The following AGBL4 variants were observed in gnomAD, a reference collection of about 807,000 sequenced individuals.
AGBL4 encodes cytosolic carboxypeptidase 6.
AGBL4 carries 58 observed loss-of-function variants against 66.4 expected under a neutral mutation model. That is an observed-to-expected ratio of 0.87 (90% CI 0.71 to 1.09). The LOEUF is 1.09. Among genes scored for constraint, AGBL4 ranks in the 50% least tolerant of loss-of-function variants. The pLI is 0.00. For synonymous variants in AGBL4, 234 were observed against 222.9 expected (o/e 1.05, Z -0.44); for missense variants, 579 against 631.0 (o/e 0.92, Z 0.88).
At chr1:49,935,746 G>T (rs1052750190) in intron 1 of AGBL4, among the ~76,000 whole-genome samples, 62 of 152,278 alleles carry the variant, frequency 4.1e-4, no homozygotes, top group African/African-American at 1.4e-3. Context: ...TGGACCTCTA[G>T]CAAACTCCAA....
intron 3 of AGBL4, among the ~76,000 whole-genome samples, chr1:49,327,140 G>A (rs1211756322): frequency 6.6e-6 from 1 of 152,034 alleles, no homozygotes; most frequent in Non-Finnish European, 1.5e-5. Context: ...GGCCCACTTG[G>A]ATAATCCAGC....
intron 4 of AGBL4, among the ~76,000 whole-genome samples, chr1:49,058,649 G>A (rs1214575857): frequency 6.6e-6 from 1 of 152,240 alleles, no homozygotes; most frequent in Non-Finnish European, 1.5e-5. Context: ...GTAACAGGCA[G>A]AGGTTGGAAC....
At chr1:49,819,308 T>C (rs1326962431) in intron 2 of AGBL4, among the ~76,000 whole-genome samples, 1 of 152,224 alleles carries the variant, frequency 6.6e-6, no homozygotes, top group Non-Finnish European at 1.5e-5. Context: ...ACTTAAAACA[T>C]ACTGAGACAT....
At chr1:48,921,895 T>C (rs12121559) in intron 5 of AGBL4, among the ~76,000 whole-genome samples, 14,811 of 152,170 alleles carry the variant, frequency 0.097, 1,076 homozygotes, top group African/African-American at 0.19. Context: ...ATAAGTCAAG[T>C]AGATGTAATA....
chr1:48,581,904 G>T (rs2148332626), intron 11 of AGBL4, among the ~76,000 whole-genome samples: 1 of 152,346 alleles, frequency 6.6e-6, no homozygotes, highest in Non-Finnish European at 1.5e-5. Context: ...TCTGACACCA[G>T]CACTGTATTC....
intron 1 of AGBL4, among the ~76,000 whole-genome samples, chr1:49,978,818 G>A (rs1165819722): frequency 6.6e-6 from 1 of 152,088 alleles, no homozygotes; most frequent in Non-Finnish European, 1.5e-5. Flanking sequence ...TATTTTGGGT[G>A]ATTTTATTTT....
At chr1:48,794,331 T>G (rs922494510) in intron 6 of AGBL4, among the ~76,000 whole-genome samples, 21 of 152,212 alleles carry the variant, frequency 1.4e-4, no homozygotes. Context: ...CACTTACACA[T>G]GCCCAAGCCT....
intron 7 of AGBL4, among the ~76,000 whole-genome samples, chr1:48,660,564 T>C (rs1424663473): frequency 6.6e-6 from 1 of 152,228 alleles, no homozygotes. Context: ...GCTGTCTACA[T>C]GTAGCTGAGA....
intron 3 of AGBL4, among the ~76,000 whole-genome samples, chr1:49,285,946 T>C (rs1224636857): frequency 6.6e-6 from 1 of 152,134 alleles, no homozygotes; most frequent in Non-Finnish European, 1.5e-5. Flanking sequence ...TGATGAACAT[T>C]GATGCAAAAA....
At chr1:49,948,028 A>T (rs1237539033) in intron 1 of AGBL4, among the ~76,000 whole-genome samples, 4 of 1,146 alleles carry the variant, frequency 3.5e-3, no homozygotes, top group South Asian at 0.1. Flanking sequence ...ATATATATAA[A>T]TATATATACA....
intron 1 of AGBL4, among the ~76,000 whole-genome samples, chr1:49,980,707 G>A (rs1658989833): frequency 6.6e-6 from 1 of 152,046 alleles, no homozygotes; most frequent in South Asian, 2.1e-4. Context: ...CTTGGCTATT[G>A]TGAATACTGC....
chr1:49,435,660 T>C (rs961348664), intron 3 of AGBL4, among the ~76,000 whole-genome samples: 3 of 152,308 alleles, frequency 2.0e-5, no homozygotes, highest in South Asian at 2.1e-4. Flanking sequence ...CATAGGGTGC[T>C]TTCTAGGGAG....
At chr1:49,733,461 C>A (rs1329150344) in intron 2 of AGBL4, among the ~76,000 whole-genome samples, 2 of 152,150 alleles carry the variant, frequency 1.3e-5, no homozygotes, top group African/African-American at 4.8e-5. Flanking sequence ...GCTGACTGGG[C>A]TGTTTATAAC....
At chr1:49,210,268 T>G (rs1394819420) in intron 4 of AGBL4, among the ~76,000 whole-genome samples, 1 of 152,118 alleles carries the variant, frequency 6.6e-6, no homozygotes, top group Non-Finnish European at 1.5e-5. Flanking sequence ...TTTCTCAGTT[T>G]ATATGTGAAC....
intron 4 of AGBL4, among the ~76,000 whole-genome samples, chr1:49,071,229 G>C (rs1331858340): frequency 6.6e-6 from 1 of 151,578 alleles, no homozygotes; most frequent in Middle Eastern, 3.2e-3. Flanking sequence ...AGGGTTTTTT[G>C]TGTCTCTATC....
At chr1:49,380,940 G>A (rs1352112427) in intron 3 of AGBL4, among the ~76,000 whole-genome samples, 1 of 152,118 alleles carries the variant, frequency 6.6e-6, no homozygotes, top group Non-Finnish European at 1.5e-5. Context: ...CATGGGCAAG[G>A]ACTTCATGTC....
rs551767015 is a variant in AGBL4, at chr1:48,971,396, T to A, written c.594+74188A>T. Among the ~76,000 whole-genome samples, 19 of 152,150 alleles carry A rather than the reference T, an allele frequency of 1.2e-4. No individual in the cohort carries two copies. In the South Asian group the frequency reaches 1.5e-3, roughly 12 times the overall value. On this transcript the variant is annotated intron_variant, in intron 5 of 13. Transcript: ENST00000371839. ...TCCACCCCCAGTGGAAAAATTCTCT[T>A]CCACAAAAACAGTCCCTGGTGCCAA...
intron 6 of AGBL4, among the ~76,000 whole-genome samples, chr1:48,840,283 C>T (rs755717106): frequency 6.6e-5 from 10 of 152,100 alleles, no homozygotes; most frequent in Admixed American, 1.3e-4. Flanking sequence ...GGCAGAGATA[C>T]CTCTGTGTGC....
At chr1:49,796,525 AAATTT>A (rs1221258480) in intron 2 of AGBL4, among the ~76,000 whole-genome samples, 3 of 150,986 alleles carry the variant, frequency 2.0e-5, no homozygotes, top group Admixed American at 6.6e-5. Context: ...TTTAAATTTA[AAATTT>A]AATTTAAATT....
Sources: gnomAD v4.1 joint callset for allele counts (sites outside exome capture counted in the v4.1 genomes callset) on GRCh38, gnomAD v4.1.1 for gene constraint, MANE v1.5 for transcripts, NCBI Gene and HGNC (gene_info 2026-07-23, HGNC 2026-07-21) for gene names.